ADCY1: variants seen among roughly 807,000 people sequenced by gnomAD.
ADCY1 encodes the protein adenylate cyclase type 1.
Under a neutral mutation model 105.4 loss-of-function variants are expected in ADCY1, and 28 were observed. The ratio of observed to expected loss-of-function variants is 0.27; its 90% CI spans 0.20 to 0.36. ADCY1 has a LOEUF of 0.36. Ranked by LOEUF, ADCY1 falls within the 10% of genes least tolerant of loss-of-function variation. The pLI is 1.00. For missense variants in ADCY1, 977 were observed against 1,434.2 expected, an observed-to-expected ratio of 0.68 and a Z score of 5.15; for synonymous variants, 655 against 623.8, an observed-to-expected ratio of 1.05 and a Z score of -0.75.
At chr7:45,621,570 G>A (rs181867914) in intron 3 of ADCY1, among the ~76,000 whole-genome samples, 46 of 152,288 alleles carry the variant, frequency 3.0e-4, no homozygotes, top group Admixed American at 2.7e-3. Flanking sequence ...TTTACATGGC[G>A]GACATGCGGA....
intron 5 of ADCY1, among the ~76,000 whole-genome samples, chr7:45,657,156 G>A (rs1415731807): frequency 1.3e-5 from 2 of 152,230 alleles, no homozygotes; most frequent in Non-Finnish European, 2.9e-5. Flanking sequence ...AGCTTCTCAT[G>A]TCTGGATGTG....
intron 8 of ADCY1, among the ~76,000 whole-genome samples, chr7:45,671,178 T>C (rs143085024): frequency 4.4e-4 from 67 of 152,310 alleles, no homozygotes; most frequent in African/African-American, 1.5e-3. Flanking sequence ...CTCTAAATGG[T>C]ATCATACAGT....
intron 2 of ADCY1, among the ~76,000 whole-genome samples, chr7:45,609,773 C>CT (rs1170319003): frequency 6.6e-6 from 1 of 152,104 alleles, no homozygotes; most frequent in Non-Finnish European, 1.5e-5. Flanking sequence ...GACAAGGAAA[C>CT]TGAGGTCTAG....
At position 45,591,524 on chromosome 7, in the gene ADCY1, G is replaced by T. The variant is rs1792916490; in HGVS notation, c.640-1235G>T. 1.3e-5 allele frequency among the ~76,000 whole-genome samples: 2 copies of T among 152,266 alleles called. No homozygotes were observed. Among genetic ancestry groups the T allele is most frequent in the South Asian group, 4.1e-4 (2 of 4,834 alleles). On this transcript the variant is annotated intron_variant, in intron 1 of 19. Transcript: ENST00000297323. This position sits in a 1 kb window ranked among gnomAD's most constrained non-coding sequence, Gnocchi z 4.1. ...TCTGTGTGGAGCAGTGACAGCCGGA[G>T]CCTGCAGGTTTCTGCTCCCTGGGAG...
At position 45,686,227 on chromosome 7, in the gene ADCY1, G is replaced by C; in HGVS notation, c.2327+12G>C. 1 of 1,610,292 alleles carries C rather than the reference G, an allele frequency of 6.2e-7. No homozygotes were observed. On this transcript the variant is annotated intron_variant, in intron 13 of 19. Coordinates refer to ENST00000297323, the MANE Select transcript of ADCY1 (RefSeq NM_021116.4). This position sits in a 1 kb window ranked among gnomAD's most constrained non-coding sequence, Gnocchi z 4.3. ...TACACCAGGACTGGGTAAGTGTGTG[G>C]CTCCTCAAGAAAAAGGCCTAAGCAG...
In ADCY1 at chr7:45,580,152, G is replaced by A. The variant is rs995624006; in HGVS notation, c.639+4970G>A. Among the ~76,000 whole-genome samples, 3 of 152,136 alleles carry A rather than the reference G, an allele frequency of 2.0e-5. No homozygotes were observed. The South Asian group carries it at 6.2e-4, about 32-fold the overall frequency. ...AGTCTAGACAAAAGAGAGGGAGAATGGTCCTGGGCATCGGGCCAGGGGCTC... is the reference window on the plus strand; with the variant it reads ...AGTCTAGACAAAAGAGAGGGAGAATAGTCCTGGGCATCGGGCCAGGGGCTC... On this transcript the variant is annotated intron_variant, in intron 1 of 19. Coordinates refer to ENST00000297323, the MANE Select transcript of ADCY1 (RefSeq NM_021116.4).
At chr7:45,675,821 T>G (rs1192813675) in intron 8 of ADCY1, among the ~76,000 whole-genome samples, 1 of 152,218 alleles carries the variant, frequency 6.6e-6, no homozygotes, top group African/African-American at 2.4e-5. Flanking sequence ...GAAGTTTGAT[T>G]GTGATGTGTG....
chr7:45,721,683 G>C lies in ADCY1; in HGVS notation c.*7688G>C, dbSNP rs1424564345. ...TGCTGGTGAGGTAAAGGTGGGTCCG[G>C]GTGCCTTCCCAGGGGTTAGAGGATG... On this transcript the variant is annotated 3_prime_UTR_variant, in exon 20 of 20. Transcript: ENST00000297323. 1 of 398,434 alleles carries C rather than the reference G, an allele frequency of 2.5e-6. No homozygotes were observed. Among genetic ancestry groups the C allele is most frequent in the African/African-American group, 2.1e-5 (1 of 48,572 alleles). The allele number at this position is 398,434 out of a possible 1,614,324, so 24.7% of individuals were successfully genotyped here. A position where few individuals can be genotyped will look rare whatever the true frequency, so the allele number is the denominator to read the frequency against.
Position 45,588,869 on chromosome 7 carries a change from A to ATGTGTGTG in ADCY1, c.640-3872_640-3865dup, listed in dbSNP as rs55962124. The stretch of plus-strand genomic sequence containing the variant: ...TTGACACACCCCCATCATTGCGTGT[A>ATGTGTGTG]TGTGTGTGTGTGTGTGTGTGTGTGT... On this transcript the variant is annotated intron_variant, in intron 1 of 19. Coordinates refer to ENST00000297323, the MANE Select transcript of ADCY1 (RefSeq NM_021116.4). Among the ~76,000 whole-genome samples the ATGTGTGTG allele has an allele frequency of 4.8e-3, 723 of 149,150 alleles. 5 individuals are homozygous for ATGTGTGTG. Among genetic ancestry groups the ATGTGTGTG allele is most frequent in the African/African-American group, 0.016 (650 of 40,480 alleles).
At position 45,686,446 on chromosome 7, in the gene ADCY1, C is replaced by G; in HGVS notation, c.2328-101C>G. 4 of 1,504,848 alleles carry G rather than the reference C, an allele frequency of 2.7e-6. No homozygotes were observed. The highest frequency in any genetic ancestry group is 3.6e-6 in the Non-Finnish European group (4 of 1,125,018). The allele number at this position is 1,504,848 out of a possible 1,614,324, so 93.2% of individuals were successfully genotyped here. On this transcript the variant is annotated intron_variant, in intron 13 of 19. Coordinates refer to ENST00000297323, the MANE Select transcript of ADCY1 (RefSeq NM_021116.4). This position sits in a 1 kb window ranked among gnomAD's most constrained non-coding sequence, Gnocchi z 4.3. ...ATCCCAGCAAGCTGTTTTTGGGTGT[C>G]ACCACCTGAGGGTCACTCTGAACAG... is the stretch of plus-strand genomic sequence containing the variant.
intron 2 of ADCY1, 31 bp downstream of exon 2, chr7:45,592,939 G>A (rs374540614): frequency 1.2e-6 from 2 of 1,610,896 alleles, no homozygotes; most frequent in Admixed American, 1.7e-5. Context: ...AGCCTAGAGG[G>A]GTTGGCTGTG....
chr7:45,574,536 G>T lies in ADCY1; in HGVS notation c.-8G>T. ...CGCCCGCGGCCGCGGCCGCTGCATG[G>T]CGCTGAGATGGCGGGGGCGCCGCGC... is the stretch of plus-strand genomic sequence containing the variant. On this transcript the variant is annotated 5_prime_UTR_variant, in exon 1 of 20. Coordinates refer to ENST00000297323, the MANE Select transcript of ADCY1 (RefSeq NM_021116.4). This position sits in a 1 kb window ranked among gnomAD's most constrained non-coding sequence, Gnocchi z 7.0. The T allele has an allele frequency of 2.0e-6, 2 of 977,378 alleles. No individual in the cohort carries two copies. Among genetic ancestry groups the T allele is most frequent in the Non-Finnish European group, 2.4e-6 (2 of 826,820 alleles). The allele number at this position is 977,378 out of a possible 1,614,324, so 60.5% of individuals were successfully genotyped here. A position where few individuals can be genotyped will look rare whatever the true frequency, so the allele number is the denominator to read the frequency against.
In ADCY1 at chr7:45,577,773, TCTC is replaced by T. The variant is rs1458700796; in HGVS notation, c.639+2594_639+2596del. On this transcript the variant is annotated intron_variant, in intron 1 of 19. Transcript: ENST00000297323. ...TCAGAGTCTGAGATCTCCACAGTGA[TCTC>T]CTGGTGCTGAGCCCAGTGAGTTCCA... is the stretch of plus-strand genomic sequence containing the variant. Among the ~76,000 whole-genome samples, 7 of 152,216 alleles carry T rather than the reference TCTC, an allele frequency of 4.6e-5. No homozygotes were observed. In the East Asian group the frequency reaches 5.8e-4, roughly 13 times the overall value.
chr7:45,592,221 A>T (rs1792939786), intron 1 of ADCY1, among the ~76,000 whole-genome samples: 1 of 151,916 alleles, frequency 6.6e-6, no homozygotes, highest in African/African-American at 2.4e-5. Context: ...AGAAATGGAG[A>T]ATCTCACAGT....
chr7:45,630,978 AAAATAAGACT>A (rs1349578473), intron 4 of ADCY1, among the ~76,000 whole-genome samples: 3 of 152,154 alleles, frequency 2.0e-5, no homozygotes, highest in African/African-American at 7.2e-5. Context: ...TCCTTATTCA[AAAATAAGACT>A]AAATATGACT....
intron 4 of ADCY1, among the ~76,000 whole-genome samples, chr7:45,648,444 C>T (rs1189963643): frequency 2.0e-5 from 3 of 152,202 alleles, no homozygotes; most frequent in Non-Finnish European, 2.9e-5. Flanking sequence ...AGGCCATGAG[C>T]GAGGTATGGG....
At chr7:45,604,131 A>G (rs1172704361) in intron 2 of ADCY1, among the ~76,000 whole-genome samples, 1 of 152,202 alleles carries the variant, frequency 6.6e-6, no homozygotes, top group East Asian at 1.9e-4. Flanking sequence ...GAAATAGTGA[A>G]ACTTTCCCAG....
intron 4 of ADCY1, among the ~76,000 whole-genome samples, chr7:45,631,993 G>A (rs552026892): frequency 1.3e-5 from 2 of 152,030 alleles, no homozygotes; most frequent in Non-Finnish European, 2.9e-5. Context: ...TGTATGTTTC[G>A]AGGTATGGGT....
At chr7:45,592,059 T>TG (rs1792933184) in intron 1 of ADCY1, among the ~76,000 whole-genome samples, 1 of 152,054 alleles carries the variant, frequency 6.6e-6, no homozygotes, top group African/African-American at 2.4e-5. Flanking sequence ...TTTTGTTTTT[T>TG]TTTTTTTGTG....
Sources: allele counts gnomAD v4.1 joint callset (sites outside exome capture counted in the v4.1 genomes callset), GRCh38; gene constraint gnomAD v4.1.1; non-coding constraint Gnocchi (gnomAD v3.1); transcripts MANE v1.5; gene names NCBI Gene and HGNC (gene_info 2026-07-23, HGNC 2026-07-21).